The following ZNF385B variants were observed in gnomAD, a reference collection of about 807,000 sequenced individuals.
ZNF385B encodes the protein zinc finger protein 385B.
A neutral mutation model predicts 39.2 loss-of-function variants in ZNF385B; 23 were observed. The ratio of observed to expected loss-of-function variants is 0.59; its 90% CI spans 0.42 to 0.83. The LOEUF is 0.83. Among genes scored for constraint, ZNF385B ranks in the 40% least tolerant of loss-of-function variants. The pLI is 0.00. For synonymous variants in ZNF385B, 205 were observed against 222.6 expected (o/e 0.92, Z 0.70); for missense variants, 552 against 598.9 (o/e 0.92, Z 0.82).
intron 3 of ZNF385B, among the ~76,000 whole-genome samples, chr2:179,571,408 A>C (rs1446964477): frequency 6.6e-6 from 1 of 152,194 alleles, no homozygotes; most frequent in Non-Finnish European, 1.5e-5. Context: ...AACCTCATGT[A>C]CTTTCACTAC....
intron 5 of ZNF385B, among the ~76,000 whole-genome samples, chr2:179,505,756 T>C (rs959958858): frequency 6.6e-6 from 1 of 152,102 alleles, no homozygotes; most frequent in African/African-American, 2.4e-5. Context: ...GTCACTGGTA[T>C]ACGGAAGGTA....
chr2:179,795,409 AC>A (rs1161605266), intron 1 of ZNF385B, among the ~76,000 whole-genome samples: 1 of 152,058 alleles, frequency 6.6e-6, no homozygotes, highest in East Asian at 1.9e-4. Context: ...AGATGAGAAT[AC>A]CCTGTTTAAC....
chr2:179,679,192 G>A (rs887480793), intron 3 of ZNF385B, among the ~76,000 whole-genome samples: 4 of 152,088 alleles, frequency 2.6e-5, no homozygotes, highest in Admixed American at 2.6e-4. Context: ...TTAAATGGTG[G>A]TCCAATAAGA....
chr2:179,609,747 C>T (rs1358796255), intron 3 of ZNF385B, among the ~76,000 whole-genome samples: 2 of 152,136 alleles, frequency 1.3e-5, no homozygotes, highest in Non-Finnish European at 2.9e-5. Flanking sequence ...TTGTTCTTGC[C>T]TGTCTTTTGA....
intron 3 of ZNF385B, among the ~76,000 whole-genome samples, chr2:179,601,521 G>A (rs1688408416): frequency 6.6e-6 from 1 of 152,094 alleles, no homozygotes; most frequent in Non-Finnish European, 1.5e-5. Flanking sequence ...TATGTTGCTA[G>A]TTCTACTTTT....
At chr2:179,619,967 C>T (rs1669888719) in intron 3 of ZNF385B, among the ~76,000 whole-genome samples, 1 of 152,162 alleles carries the variant, frequency 6.6e-6, no homozygotes, top group Non-Finnish European at 1.5e-5. Context: ...GTTTCTCAAC[C>T]TCTCTGAATG....
At chr2:179,555,990 C>T (rs35860816) in intron 3 of ZNF385B, among the ~76,000 whole-genome samples, 10,769 of 148,822 alleles carry the variant, frequency 0.072, 916 homozygotes, top group Middle Eastern at 0.2. Flanking sequence ...CAAAAAACAT[C>T]AAAGAAGCCG....
intron 1 of ZNF385B, among the ~76,000 whole-genome samples, chr2:179,772,577 CAG>C (rs1445004461): frequency 1.3e-5 from 2 of 152,198 alleles, no homozygotes; most frequent in African/African-American, 4.8e-5. Flanking sequence ...GGCAAGATAT[CAG>C]AGTCTCAGCA....
At chr2:179,489,804 A>G (rs549996693) in intron 5 of ZNF385B, among the ~76,000 whole-genome samples, 74 of 152,374 alleles carry the variant, frequency 4.9e-4, no homozygotes, top group Non-Finnish European at 8.5e-4. Context: ...ATCAGTAATG[A>G]CATACTATTG....
intron 3 of ZNF385B, among the ~76,000 whole-genome samples, chr2:179,649,820 G>A (rs1275444488): frequency 6.6e-6 from 1 of 151,924 alleles, no homozygotes; most frequent in African/African-American, 2.4e-5. Context: ...TTTCTTTCTA[G>A]ATTCTTAAGT....
chr2:179,707,781 G>A, intron 3 of ZNF385B, among the ~76,000 whole-genome samples: 1 of 152,234 alleles, frequency 6.6e-6, no homozygotes, highest in African/African-American at 2.4e-5. Flanking sequence ...CCACCAGGGT[G>A]GTCTGGCAAC....
intron 4 of ZNF385B, among the ~76,000 whole-genome samples, chr2:179,522,696 T>C (rs1394935235): frequency 2.0e-5 from 3 of 152,304 alleles, no homozygotes; most frequent in African/African-American, 7.2e-5. Flanking sequence ...GTTTATAATA[T>C]ATCTTTTACA....
chr2:179,582,480 A>G (rs3112973), intron 3 of ZNF385B, among the ~76,000 whole-genome samples: 53 of 152,274 alleles, frequency 3.5e-4, no homozygotes, highest in African/African-American at 1.3e-3. Flanking sequence ...CTGAGCATGC[A>G]CGATAACTCA....
intron 3 of ZNF385B, among the ~76,000 whole-genome samples, chr2:179,619,289 G>C (rs1427843016): frequency 6.6e-6 from 1 of 152,184 alleles, no homozygotes; most frequent in Non-Finnish European, 1.5e-5. Flanking sequence ...ATGAACTTAA[G>C]TCTTCCAAGA....
intron 3 of ZNF385B, among the ~76,000 whole-genome samples, chr2:179,656,211 T>C (rs1015747955): frequency 6.6e-6 from 1 of 152,142 alleles, no homozygotes. Flanking sequence ...CAAATAAAAT[T>C]ATAGCTACTA....
intron 3 of ZNF385B, among the ~76,000 whole-genome samples, chr2:179,601,600 A>G (rs1356758268): frequency 2.0e-5 from 3 of 152,182 alleles, no homozygotes; most frequent in African/African-American, 7.2e-5. Context: ...TGCCCCAGTG[A>G]CTTGAAGAAT....
At chr2:179,509,179 G>A (rs1039444116) in intron 5 of ZNF385B, among the ~76,000 whole-genome samples, 2 of 151,934 alleles carry the variant, frequency 1.3e-5, no homozygotes, top group Admixed American at 1.3e-4. Flanking sequence ...ATCTCCTGAC[G>A]TCGTGATCCA....
intron 6 of ZNF385B, among the ~76,000 whole-genome samples, chr2:179,449,917 G>A (rs551155544): frequency 2.3e-3 from 349 of 151,690 alleles, no homozygotes; most frequent in African/African-American, 7.4e-3. Context: ...TAGACCAATG[G>A]AACAGAACAG....
intron 5 of ZNF385B, among the ~76,000 whole-genome samples, chr2:179,514,870 CTGGG>C (rs1478912118): frequency 6.6e-6 from 1 of 151,002 alleles, no homozygotes; most frequent in Non-Finnish European, 1.5e-5. Flanking sequence ...CCTCTGCCAC[CTGGG>C]TTCAAGCGAT....
Sources: gnomAD v4.1 joint callset for allele counts (sites outside exome capture counted in the v4.1 genomes callset) on GRCh38, gnomAD v4.1.1 for gene constraint, MANE v1.5 for transcripts, NCBI Gene and HGNC (gene_info 2026-07-23, HGNC 2026-07-21) for gene names.